JPH2: variants seen among roughly 807,000 people sequenced by gnomAD.
JPH2 encodes the protein junctophilin 2.
Under a neutral mutation model 55.9 loss-of-function variants are expected in JPH2, and 38 were observed. The observed-to-expected ratio is 0.68, with a 90% CI of 0.52 to 0.89. The LOEUF (loss-of-function observed/expected upper bound fraction) is 0.89, where lower values mean the gene tolerates loss of function less well. Ranked by LOEUF, JPH2 falls within the 40% of genes least tolerant of loss-of-function variation. The probability of loss-of-function intolerance (pLI) is 0.00; values close to 1 mark genes in which losing one functional copy is unlikely to be tolerated. For missense variants in JPH2, 964 were observed against 1,037.6 expected (o/e 0.93, Z 0.97); for synonymous variants, 480 against 472.4 (o/e 1.02, Z -0.21).
intron 2 of JPH2, among the ~76,000 whole-genome samples, chr20:44,150,376 A>G (rs2072523245): frequency 6.6e-6 from 1 of 152,254 alleles, no homozygotes; most frequent in South Asian, 2.1e-4. Flanking sequence ...GCATCACTGA[A>G]AAAAGTTAAA....
At chr20:44,130,438 A>C (rs1222200609) in intron 2 of JPH2, among the ~76,000 whole-genome samples, 1 of 152,242 alleles carries the variant, frequency 6.6e-6, no homozygotes, top group Non-Finnish European at 1.5e-5. Context: ...TCACATCTGC[A>C]AGAAAGTCTG....
chr20:44,161,902 G>T (rs1400400075), intron 1 of JPH2, among the ~76,000 whole-genome samples: 1 of 151,996 alleles, frequency 6.6e-6, no homozygotes, highest in Admixed American at 6.6e-5. Flanking sequence ...CCCTTCGGTA[G>T]CTCCAGATGT....
At chr20:44,172,638 G>T (rs564955401) in intron 1 of JPH2, among the ~76,000 whole-genome samples, 1 of 152,250 alleles carries the variant, frequency 6.6e-6, no homozygotes, top group South Asian at 2.1e-4. Context: ...GACCACAGGT[G>T]CATACCATCA....
At chr20:44,165,506 A>G (rs1272791614) in intron 1 of JPH2, among the ~76,000 whole-genome samples, 1 of 152,054 alleles carries the variant, frequency 6.6e-6, no homozygotes, top group African/African-American at 2.4e-5. Context: ...CCCTCTATCC[A>G]TCCCTAACAC....
intron 2 of JPH2, among the ~76,000 whole-genome samples, chr20:44,150,374 G>A (rs1267128153): frequency 6.6e-6 from 1 of 152,206 alleles, no homozygotes; most frequent in Non-Finnish European, 1.5e-5. Context: ...AAGCATCACT[G>A]AAAAAAGTTA....
intron 5 of JPH2, 88 bp downstream of exon 5, chr20:44,114,694 G>C: frequency 1.1e-6 from 1 of 921,428 alleles, no homozygotes; most frequent in Non-Finnish European, 1.7e-6. Flanking sequence ...TCCAAGTACC[G>C]AGTAGGTCCC....
At chr20:44,171,277 G>A (rs1004594397) in intron 1 of JPH2, among the ~76,000 whole-genome samples, 5 of 152,180 alleles carry the variant, frequency 3.3e-5, no homozygotes, top group Non-Finnish European at 7.4e-5. Context: ...TGATCCCAGG[G>A]GGATTTAAGC....
At chr20:44,116,863 G>C (rs925901220) in intron 3 of JPH2, among the ~76,000 whole-genome samples, 2 of 152,244 alleles carry the variant, frequency 1.3e-5, no homozygotes, top group Admixed American at 6.5e-5. Flanking sequence ...GCTGTGACCA[G>C]AAGTGAGGGA....
intron 2 of JPH2, among the ~76,000 whole-genome samples, chr20:44,154,347 A>T (rs2072550900): frequency 6.6e-6 from 1 of 152,238 alleles, no homozygotes. Context: ...ATATTTTAAA[A>T]ATGATTAATA....
intron 2 of JPH2, among the ~76,000 whole-genome samples, chr20:44,150,785 G>A (rs2072525453): frequency 6.6e-6 from 1 of 152,150 alleles, no homozygotes; most frequent in African/African-American, 2.4e-5. Flanking sequence ...CAGCACTTTG[G>A]GAGGCCTAGG....
chr20:44,118,454 C>T (rs1385493177), intron 3 of JPH2, 51 bp downstream of exon 3: 1 of 1,424,422 alleles, frequency 7.0e-7, no homozygotes, highest in Non-Finnish European at 9.8e-7. Flanking sequence ...AAGAAAAGCG[C>T]CCACCCTAGG....
intron 2 of JPH2, among the ~76,000 whole-genome samples, chr20:44,128,983 T>C (rs187328887): frequency 6.6e-6 from 1 of 152,242 alleles, no homozygotes; most frequent in Non-Finnish European, 1.5e-5. Context: ...CATAAGCTTG[T>C]GGGGATTAGA....
intron 2 of JPH2, among the ~76,000 whole-genome samples, chr20:44,121,795 TAAGC>T (rs1221191852): frequency 6.6e-6 from 1 of 151,568 alleles, no homozygotes; most frequent in Non-Finnish European, 1.5e-5. Flanking sequence ...AAGACCAGCC[TAAGC>T]AACATACCAA....
chr20:44,178,075 A>T, intron 1 of JPH2: 1 of 774,936 alleles, frequency 1.3e-6, no homozygotes. Context: ...AGATCTGCCT[A>T]CTCTAAGTCT....
At chr20:44,132,647 C>T (rs1162493040) in intron 2 of JPH2, among the ~76,000 whole-genome samples, 1 of 142,970 alleles carries the variant, frequency 7.0e-6, no homozygotes, top group Non-Finnish European at 1.5e-5. Context: ...CTCACCCACC[C>T]CCACCGTCCC....
chr20:44,134,176 A>C lies in JPH2; in HGVS notation c.1170-15553T>G, dbSNP rs1179014165. 2.4e-4 allele frequency among the ~76,000 whole-genome samples: 8 copies of C among 33,980 alleles called. 3 individuals are homozygous for C. Among genetic ancestry groups the C allele is most frequent in the African/African-American group, 8.6e-4 (8 of 9,298 alleles). 22.3% of individuals were successfully genotyped at this position (33,980 alleles called of 152,430 possible). On this transcript the variant is annotated intron_variant, in intron 2 of 5. Coordinates refer to ENST00000372980, the MANE Select transcript of JPH2 (RefSeq NM_020433.5). ...TTATAAATATATAAATATTTATTAT[A>C]AATATATAAATATTTATTATAAATA...
chr20:44,148,186 A>AAAAC (rs111657506), intron 2 of JPH2, among the ~76,000 whole-genome samples: 7,919 of 152,130 alleles, frequency 0.052, 597 homozygotes, highest in African/African-American at 0.17. Context: ...AACAACAACA[A>AAAAC]AAACAAACAA....
chr20:44,114,914 G>A, intron 4 of JPH2, 38 bp from the exon 5 acceptor site: 1 of 1,516,828 alleles, frequency 6.6e-7, no homozygotes, highest in Non-Finnish European at 9.0e-7. Context: ...AGTCCCCATG[G>A]CCTCGGAGAC....
At chr20:44,176,779 G>T in intron 1 of JPH2, 1 of 803,616 alleles carries the variant, frequency 1.2e-6, no homozygotes, top group Non-Finnish European at 1.5e-6. Flanking sequence ...GGGTGACAGA[G>T]CAAGACCCTG....
Sources: allele counts gnomAD v4.1 joint callset (sites outside exome capture counted in the v4.1 genomes callset), GRCh38; gene constraint gnomAD v4.1.1; transcripts MANE v1.5; gene names NCBI Gene and HGNC (gene_info 2026-07-23, HGNC 2026-07-21).